CHL1: variants seen among roughly 807,000 people sequenced by gnomAD.
CHL1 encodes the protein neural cell adhesion molecule L1-like protein.
In CHL1, 96 loss-of-function variants were observed where a neutral mutation model predicts 141.9. The observed-to-expected ratio is 0.68, with a 90% CI of 0.57 to 0.80. The LOEUF is 0.80. Ranked by LOEUF, CHL1 falls within the 30% of genes least tolerant of loss-of-function variation. The pLI is 0.00. For missense variants in CHL1, 1,820 were observed against 1,457.2 expected (o/e 1.25, Z -4.05); for synonymous variants, 613 against 502.2 (o/e 1.22, Z -2.95).
intron 27 of CHL1, among the ~76,000 whole-genome samples, chr3:403,614 A>G (rs1431369832): frequency 6.6e-6 from 1 of 152,144 alleles, no homozygotes; most frequent in Non-Finnish European, 1.5e-5. Context: ...TATTAGCTCA[A>G]TTTTACAGGC....
intron 17 of CHL1, 95 bp downstream of exon 17, chr3:382,375 T>A: frequency 1.4e-6 from 2 of 1,460,544 alleles, no homozygotes; most frequent in Non-Finnish European, 1.9e-6. Context: ...TTATTCTTCT[T>A]ATAACATCCT....
chr3:378,806 G>A (rs1368208147), intron 16 of CHL1, among the ~76,000 whole-genome samples: 1 of 152,124 alleles, frequency 6.6e-6, no homozygotes, highest in Non-Finnish European at 1.5e-5. Flanking sequence ...TCTAGCAGCT[G>A]CATCCCACCA....
intron 5 of CHL1, among the ~76,000 whole-genome samples, chr3:334,014 T>A (rs934797342): frequency 6.6e-6 from 1 of 152,120 alleles, no homozygotes; most frequent in African/African-American, 2.4e-5. Context: ...TAGAGTGCAG[T>A]GGTACAAACA....
intron 2 of CHL1, among the ~76,000 whole-genome samples, chr3:295,367 C>T (rs151271074): frequency 9.3e-4 from 141 of 152,288 alleles, no homozygotes; most frequent in South Asian, 2.1e-3. Flanking sequence ...GCTGCTTAAA[C>T]ATTGCTTACC....
intron 1 of CHL1, among the ~76,000 whole-genome samples, chr3:207,232 C>T (rs1699521112): frequency 6.6e-6 from 1 of 152,092 alleles, no homozygotes; most frequent in Admixed American, 6.5e-5. Context: ...CTGAGTGGCT[C>T]CAAAAGGCTC....
At chr3:233,912 A>G (rs1243139339) in intron 1 of CHL1, among the ~76,000 whole-genome samples, 1 of 152,120 alleles carries the variant, frequency 6.6e-6, no homozygotes, top group Non-Finnish European at 1.5e-5. Context: ...TAATATGTTT[A>G]ATCCAAACTT....
intron 2 of CHL1, among the ~76,000 whole-genome samples, chr3:315,023 T>C (rs1428042606): frequency 6.6e-6 from 1 of 152,134 alleles, no homozygotes; most frequent in Non-Finnish European, 1.5e-5. Flanking sequence ...CTTTATTTTG[T>C]AAGTTGTTAT....
At chr3:222,870 TTC>T (rs1700978351) in intron 1 of CHL1, among the ~76,000 whole-genome samples, 1 of 152,124 alleles carries the variant, frequency 6.6e-6, no homozygotes, top group Non-Finnish European at 1.5e-5. Flanking sequence ...TGGGGTGAAA[TTC>T]TCTGTGTTTT....
chr3:339,268 G>A (rs888297238), intron 5 of CHL1, among the ~76,000 whole-genome samples: 4 of 152,116 alleles, frequency 2.6e-5, no homozygotes, highest in Non-Finnish European at 5.9e-5. Flanking sequence ...TGTACTTTCT[G>A]CAAAATGTTT....
chr3:363,415 T>C, intron 14 of CHL1, 32 bp downstream of exon 14: 1 of 1,578,010 alleles, frequency 6.3e-7, no homozygotes, highest in Non-Finnish European at 8.7e-7. Flanking sequence ...TTTGCATGAA[T>C]TGTCACATGG....
In CHL1 at chr3:398,297, G is replaced by T. The variant is rs199842549; in HGVS notation, c.3165G>T (p.Pro1055=). ...QKTHPIEVFE[P]GAEHIVRLMT... Reference sequence around the variant, plus strand: ...CTCACCCAATAGAGGTATTTGAGCCGGGAGCTGAACATATAGTTCGCCTAA... The same window carrying T: ...CTCACCCAATAGAGGTATTTGAGCCTGGAGCTGAACATATAGTTCGCCTAA... The change falls in exon 25 of 28, where the codon CCG becomes CCT. Residue 1055 remains proline (P), a synonymous_variant. Transcript: ENST00000256509. 6.2e-7 allele frequency: 1 copy of T among 1,607,312 alleles called. No homozygotes were observed.
chr3:229,762 A>G (rs759342032), intron 1 of CHL1, among the ~76,000 whole-genome samples: 2 of 152,198 alleles, frequency 1.3e-5, no homozygotes, highest in Non-Finnish European at 2.9e-5. Context: ...TTGAAAAAAC[A>G]AAACAAAACA....
At chr3:271,701 A>G (rs1300273920) in intron 2 of CHL1, among the ~76,000 whole-genome samples, 1 of 152,246 alleles carries the variant, frequency 6.6e-6, no homozygotes, top group Non-Finnish European at 1.5e-5. Context: ...AGCTGTAGAA[A>G]TCAGGAAATG....
chr3:260,463 T>A (rs1183210405), intron 2 of CHL1, among the ~76,000 whole-genome samples: 1 of 152,228 alleles, frequency 6.6e-6, no homozygotes, highest in Non-Finnish European at 1.5e-5. Context: ...AGGTTTATTA[T>A]TTACAGAGGT....
chr3:279,336 T>G (rs1696431891), intron 2 of CHL1, among the ~76,000 whole-genome samples: 1 of 152,238 alleles, frequency 6.6e-6, no homozygotes, highest in Non-Finnish European at 1.5e-5. Flanking sequence ...GCCTTAAGCT[T>G]CTTAAAATAT....
intron 1 of CHL1, among the ~76,000 whole-genome samples, chr3:209,987 C>T (rs1476920651): frequency 6.6e-6 from 1 of 152,120 alleles, no homozygotes; most frequent in Non-Finnish European, 1.5e-5. Flanking sequence ...ATGCTATTTT[C>T]ATCATTTGTT....
intron 1 of CHL1, among the ~76,000 whole-genome samples, chr3:212,841 C>T (rs549919689): frequency 8.0e-4 from 122 of 152,290 alleles, no homozygotes; most frequent in African/African-American, 2.8e-3. Flanking sequence ...CGACAGTCTC[C>T]AATTCTCTGA....
Position 405,593 on chromosome 3 carries a change from G to C in CHL1, c.3557G>C (p.Gly1186Ala). Reference sequence around the variant, plus strand: ...GACAGCTTAGTCGAATACGGAGAGGGAGACCATGGTCTCTTCAGTGAAGAT... The same window carrying C: ...GACAGCTTAGTCGAATACGGAGAGGCAGACCATGGTCTCTTCAGTGAAGAT... Reference protein sequence around the residue: ...SADSLVEYGEGDHGLFSEDGS... With the variant: ...SADSLVEYGEADHGLFSEDGS... Residue 1186 changes from glycine (G) to alanine (A), a missense_variant, in exon 28 of 28, where the codon GGA becomes GCA. By Grantham distance (60) the Gly-to-Ala change is moderately conservative (BLOSUM62 0). Transcript: ENST00000256509. The C allele has an allele frequency of 6.2e-7, 1 of 1,613,460 alleles. No homozygotes were observed. Among genetic ancestry groups the C allele is most frequent in the African/African-American group, 1.3e-5 (1 of 74,984 alleles).
chr3:200,461 TTTTCAAACC>T (rs1698816672), intron 1 of CHL1, among the ~76,000 whole-genome samples: 1 of 152,194 alleles, frequency 6.6e-6, no homozygotes, highest in Non-Finnish European at 1.5e-5. Flanking sequence ...CCTTGTTATT[TTTTCAAACC>T]AAGATTGAGA....
Sources: gnomAD v4.1 joint callset for allele counts (sites outside exome capture counted in the v4.1 genomes callset) on GRCh38, gnomAD v4.1.1 for gene constraint, MANE v1.5 for transcripts, NCBI Gene and HGNC (gene_info 2026-07-23, HGNC 2026-07-21) for gene names.